MCF2L: variants seen among roughly 807,000 people sequenced by gnomAD.
MCF2L encodes MCF.2 cell line derived transforming sequence like.
MCF2L carries 97 observed loss-of-function variants against 153.4 expected under a neutral mutation model. That is an observed-to-expected ratio of 0.63 (90% CI 0.54 to 0.75). MCF2L has a LOEUF of 0.75. MCF2L is among the 30% of genes least tolerant of loss of function. The pLI is 0.00. For synonymous variants in MCF2L, 659 were observed against 632.2 expected, an observed-to-expected ratio of 1.04 and a Z score of -0.64; for missense variants, 1,347 against 1,495.2, an observed-to-expected ratio of 0.90 and a Z score of 1.64.
intron 1 of MCF2L, among the ~76,000 whole-genome samples, chr13:112,998,146 G>A (rs1274785313): frequency 2.0e-5 from 3 of 152,360 alleles, no homozygotes; most frequent in Non-Finnish European, 4.4e-5. Flanking sequence ...GCAGCTCCTA[G>A]ACACGGTCAT....
intron 2 of MCF2L, among the ~76,000 whole-genome samples, chr13:112,938,914 G>A (rs1354984115): frequency 1.3e-5 from 2 of 152,164 alleles, no homozygotes; most frequent in African/African-American, 2.4e-5. Flanking sequence ...GCCTTGCCAC[G>A]CGGGGGCCAG....
At chr13:112,987,605 G>C (rs1384022208) in intron 1 of MCF2L, among the ~76,000 whole-genome samples, 2 of 152,060 alleles carry the variant, frequency 1.3e-5, no homozygotes, top group African/African-American at 2.4e-5. Flanking sequence ...TGCATGCAAC[G>C]TTTTCACTTC....
intron 1 of MCF2L, among the ~76,000 whole-genome samples, chr13:112,982,070 T>C (rs1294301563): frequency 6.6e-6 from 1 of 152,060 alleles, no homozygotes; most frequent in Admixed American, 6.5e-5. Context: ...GTGGAGGCCT[T>C]GTCTGAGGGG....
At chr13:113,081,564 A>G (rs1431936330) in intron 16 of MCF2L, among the ~76,000 whole-genome samples, 1 of 152,240 alleles carries the variant, frequency 6.6e-6, no homozygotes, top group African/African-American at 2.4e-5. Flanking sequence ...ATCGTCACCA[A>G]CACAGGCCAC....
intron 26 of MCF2L, chr13:113,090,639 A>G (rs1392232201): frequency 1.0e-6 from 1 of 985,358 alleles, no homozygotes; most frequent in Non-Finnish European, 1.2e-6. Context: ...CATGATGGGA[A>G]ATACATGGCG....
chr13:113,066,266 A>G (rs2032344155), intron 8 of MCF2L, 96 bp downstream of exon 8: 2 of 1,414,914 alleles, frequency 1.4e-6, no homozygotes, highest in East Asian at 2.6e-5. Flanking sequence ...GGCCACGGAA[A>G]TAGCAAGCAG....
rs992225330 is a variant in MCF2L at position 112,960,516 on chromosome 13, C to G, written c.170-54247C>G. 6.6e-6 allele frequency among the ~76,000 whole-genome samples: 1 copy of G among 152,048 alleles called. No homozygotes were observed. Among genetic ancestry groups the G allele is most frequent in the Non-Finnish European group, 1.5e-5 (1 of 68,018 alleles). ...GTGGGTGTGATGGATGCTGGAGTTT[C>G]TCTCCAAGGGGGCGGGATAGGCTGT... On this transcript the variant is annotated intron_variant, in intron 2 of 29. Coordinates refer to the MCF2L transcript ENST00000375608. This position sits in a 1 kb window ranked among gnomAD's most constrained non-coding sequence, Gnocchi z 4.2.
At position 113,099,343 on chromosome 13, in the gene MCF2L, A is replaced by G. The variant is rs1349565850; in HGVS notation, c.*2484A>G. The G allele has an allele frequency of 6.6e-6, 1 of 152,228 alleles. No individual in the cohort carries two copies. The highest frequency in any genetic ancestry group is 1.9e-4 in the East Asian group (1 of 5,186). The allele number at this position is 152,228 out of a possible 1,614,324, so 9.4% of individuals were successfully genotyped here. On this transcript the variant is annotated 3_prime_UTR_variant, in exon 30 of 30. Coordinates refer to ENST00000535094, the MANE Select transcript of MCF2L (RefSeq NM_001112732.3). Reference sequence around the variant, plus strand: ...ATGGAGCACAAACAAAATATTTGCAAAACAATGGGAAGATCATTGAAACAC... The same window carrying G: ...ATGGAGCACAAACAAAATATTTGCAGAACAATGGGAAGATCATTGAAACAC...
chr13:113,020,935 A>G (rs9577195), intron 2 of MCF2L, among the ~76,000 whole-genome samples: 29,274 of 151,708 alleles, frequency 0.19, 3,037 homozygotes, highest in East Asian at 0.27. Flanking sequence ...GTGTGTATGC[A>G]TGTGCATGTG....
Position 113,082,415 on chromosome 13 carries a change from C to T in MCF2L, c.1876-12C>T, listed in dbSNP as rs769971446. 1.3e-6 allele frequency: 2 copies of T among 1,587,560 alleles called. No homozygotes were observed. Among genetic ancestry groups the T allele is most frequent in the South Asian group, 2.2e-5 (2 of 90,486 alleles). On this transcript the variant is annotated splice_polypyrimidine_tract_variant and intron_variant, in intron 16 of 29. Transcript: ENST00000535094. ...CCCAGGACCCCCGCCGACCTCTGCG[C>T]TCTCCCTGCAGGGCTACGCCGCGGA... is the stretch of plus-strand genomic sequence containing the variant.
intron 1 of MCF2L, among the ~76,000 whole-genome samples, chr13:112,898,399 G>A (rs2081088409): frequency 6.6e-6 from 1 of 152,182 alleles, no homozygotes; most frequent in Non-Finnish European, 1.5e-5. Flanking sequence ...TGCGGAGGAG[G>A]CTGCCCACGC....
intron 1 of MCF2L, chr13:112,979,626 G>C (rs1249348339): frequency 1.9e-6 from 3 of 1,611,394 alleles, no homozygotes; most frequent in Non-Finnish European, 2.5e-6. Context: ...AAGAACCAGA[G>C]CTGCCTCCGC....
chr13:113,002,129 G>A (rs1566715837), intron 1 of MCF2L: 3 of 1,031,810 alleles, frequency 2.9e-6, no homozygotes, highest in East Asian at 3.0e-5. Flanking sequence ...GGGATGCCGG[G>A]GATGGATGTT....
At chr13:113,024,554 A>G in intron 2 of MCF2L, 90 bp from the exon 3 acceptor site, 3 of 745,168 alleles carry the variant, frequency 4.0e-6, no homozygotes, top group Non-Finnish European at 7.2e-6. Context: ...TAACTGAAAT[A>G]CTGGGTGCTG....
chr13:112,996,609 G>A (rs1440296587), intron 1 of MCF2L, among the ~76,000 whole-genome samples: 1 of 152,142 alleles, frequency 6.6e-6, no homozygotes, highest in South Asian at 2.1e-4. Flanking sequence ...TTTTCTCCAC[G>A]GCATCCTGCG....
In MCF2L at chr13:113,096,628, C is replaced by A; in HGVS notation, c.3267C>A (p.Gly1089=). 1.3e-6 allele frequency: 2 copies of A among 1,592,806 alleles called. No homozygotes were observed. Among genetic ancestry groups the A allele is most frequent in the Admixed American group, 1.7e-5 (1 of 58,956 alleles). Residue 1089 remains glycine (G), a synonymous_variant, in exon 29 of 30, where the codon GGC becomes GGA. Transcript: ENST00000535094. ...SSLSVRLGPS[G]SAQCLSSSES... is the part of the protein sequence containing the mutation. Reference sequence around the variant, plus strand: ...TGTCCGTCCGGCTCGGCCCGTCCGGCTCGGCCCAGTGCCTGAGCAGCTCAG... The same window carrying A: ...TGTCCGTCCGGCTCGGCCCGTCCGGATCGGCCCAGTGCCTGAGCAGCTCAG...
intron 2 of MCF2L, among the ~76,000 whole-genome samples, chr13:112,961,243 G>A (rs1299993213): frequency 6.6e-6 from 1 of 152,220 alleles, no homozygotes; most frequent in African/African-American, 2.4e-5. Context: ...ATGTGATGAA[G>A]TGACTCTGCT....
chr13:112,920,250 A>G (rs937653724), intron 2 of MCF2L, among the ~76,000 whole-genome samples: 9 of 152,224 alleles, frequency 5.9e-5, no homozygotes, highest in Admixed American at 3.9e-4. Flanking sequence ...TGTAGAGTAC[A>G]GTTCTGTTGT....
chr13:112,922,544 A>C (rs80287006), intron 2 of MCF2L, among the ~76,000 whole-genome samples: 6 of 151,298 alleles, frequency 4.0e-5, no homozygotes, highest in East Asian at 3.9e-4. Flanking sequence ...AAAAAAAAAA[A>C]CCCATCAGCC....
Sources: allele counts gnomAD v4.1 joint callset (sites outside exome capture counted in the v4.1 genomes callset), GRCh38; gene constraint gnomAD v4.1.1; non-coding constraint Gnocchi (gnomAD v3.1); transcripts MANE v1.5; gene names NCBI Gene and HGNC (gene_info 2026-07-23, HGNC 2026-07-21).